Variants in IQCM observed in about 807,000 individuals in gnomAD.
The protein encoded by IQCM is IQ motif containing M.
A neutral mutation model predicts 57.6 loss-of-function variants in IQCM; 45 were observed. The ratio of observed to expected loss-of-function variants is 0.78; its 90% CI spans 0.62 to 1.00. The LOEUF is 1.00. Among genes scored for constraint, IQCM ranks in the 50% least tolerant of loss-of-function variants. The pLI is 0.00. For synonymous variants in IQCM, 148 were observed against 158.9 expected (o/e 0.93, Z 0.51); for missense variants, 468 against 511.6 (o/e 0.91, Z 0.82).
chr4:149,736,093 G>A (rs755125881), intron 3 of IQCM, among the ~76,000 whole-genome samples: 20 of 151,324 alleles, frequency 1.3e-4, no homozygotes, highest in Non-Finnish European at 2.5e-4. Context: ...GATTACAGGC[G>A]TGCACCACCA....
intron 12 of IQCM, among the ~76,000 whole-genome samples, chr4:149,516,906 T>C (rs557460914): frequency 6.6e-5 from 10 of 152,048 alleles, no homozygotes; most frequent in East Asian, 3.9e-4. Flanking sequence ...GCTGGGGTGA[T>C]TGACCCGGAA....
At chr4:149,627,180 A>G (rs185675489) in intron 7 of IQCM, among the ~76,000 whole-genome samples, 6 of 152,224 alleles carry the variant, frequency 3.9e-5, no homozygotes, top group Admixed American at 3.9e-4. Flanking sequence ...GGAGATTGTA[A>G]TTTTTCATGA....
At chr4:149,581,801 C>G (rs778691466) in intron 9 of IQCM, among the ~76,000 whole-genome samples, 4 of 151,502 alleles carry the variant, frequency 2.6e-5, no homozygotes, top group Non-Finnish European at 5.9e-5. Context: ...TGTCTGGCAC[C>G]TCCTATTCTT....
intron 2 of IQCM, among the ~76,000 whole-genome samples, chr4:149,793,032 A>G (rs1772787696): frequency 6.6e-6 from 1 of 152,196 alleles, no homozygotes; most frequent in African/African-American, 2.4e-5. Flanking sequence ...TTGGAAAATT[A>G]AATTTCACAT....
At chr4:149,790,531 C>A (rs1772500501) in intron 2 of IQCM, among the ~76,000 whole-genome samples, 1 of 152,138 alleles carries the variant, frequency 6.6e-6, no homozygotes, top group African/African-American at 2.4e-5. Flanking sequence ...CCAGTGGCCT[C>A]ATTTTGTAAG....
chr4:149,395,842 C>G (rs936216733), intron 13 of IQCM, among the ~76,000 whole-genome samples: 1 of 151,800 alleles, frequency 6.6e-6, no homozygotes, highest in African/African-American at 2.4e-5. Flanking sequence ...TCCTTGTAAC[C>G]CTGAAAACAC....
chr4:149,462,227 T>C (rs778002227), intron 12 of IQCM, among the ~76,000 whole-genome samples: 6 of 152,176 alleles, frequency 3.9e-5, no homozygotes, highest in Non-Finnish European at 8.8e-5. Flanking sequence ...GTGACATCAA[T>C]GTAGCGGATA....
At chr4:149,726,071 AAAAGAAAG>A (rs529190046) in intron 5 of IQCM, among the ~76,000 whole-genome samples, 9,396 of 94,678 alleles carry the variant, frequency 0.099, 516 homozygotes, top group Non-Finnish European at 0.12. Flanking sequence ...TCTTCCCTCT[AAAAGAAAG>A]AAAGAAAGAA....
chr4:149,567,497 C>T (rs772524681), intron 9 of IQCM, among the ~76,000 whole-genome samples: 1 of 151,940 alleles, frequency 6.6e-6, no homozygotes, highest in Non-Finnish European at 1.5e-5. Flanking sequence ...CAGGTGTGTG[C>T]CACCACACAC....
intron 12 of IQCM, among the ~76,000 whole-genome samples, chr4:149,468,697 C>T (rs544477067): frequency 3.3e-5 from 5 of 152,270 alleles, no homozygotes; most frequent in African/African-American, 1.2e-4. Context: ...CCCTGACCCC[C>T]GAGTAGCCTA....
chr4:149,643,908 AT>A (rs1418849875), intron 7 of IQCM, among the ~76,000 whole-genome samples: 2 of 152,096 alleles, frequency 1.3e-5, no homozygotes, highest in Non-Finnish European at 2.9e-5. Context: ...TCTGATCATA[AT>A]TTTATATTAA....
chr4:149,708,210 A>G (rs897635071), intron 5 of IQCM, among the ~76,000 whole-genome samples: 2 of 152,054 alleles, frequency 1.3e-5, no homozygotes, highest in African/African-American at 2.4e-5. Context: ...GATCTGCTAC[A>G]CTAATTGTAA....
At chr4:149,804,671 G>A (rs141509738) in intron 2 of IQCM, among the ~76,000 whole-genome samples, 1 of 152,090 alleles carries the variant, frequency 6.6e-6, no homozygotes, top group Non-Finnish European at 1.5e-5. Context: ...AAGAAGTATT[G>A]TTATTAATAG....
intron 13 of IQCM, among the ~76,000 whole-genome samples, chr4:149,423,264 G>A (rs1734237950): frequency 6.6e-6 from 1 of 152,120 alleles, no homozygotes; most frequent in Admixed American, 6.6e-5. Flanking sequence ...GGCAGCAGGA[G>A]AGTAAAGAGC....
chr4:149,398,428 G>A (rs1352362528), intron 13 of IQCM, among the ~76,000 whole-genome samples: 1 of 151,868 alleles, frequency 6.6e-6, no homozygotes, highest in Non-Finnish European at 1.5e-5. Flanking sequence ...GAGATACATT[G>A]AATCCGTAGG....
chr4:149,634,365 C>T (rs1757547197), intron 7 of IQCM, among the ~76,000 whole-genome samples: 1 of 152,188 alleles, frequency 6.6e-6, no homozygotes, highest in Admixed American at 6.5e-5. Context: ...AGAATGAGAA[C>T]TGCTAATCTC....
At chr4:149,619,358 A>C (rs11945561) in intron 8 of IQCM, among the ~76,000 whole-genome samples, 24,093 of 151,936 alleles carry the variant, frequency 0.16, 2,270 homozygotes, top group South Asian at 0.33. Flanking sequence ...TGAGGGATGA[A>C]ATGCTATCTA....
intron 5 of IQCM, among the ~76,000 whole-genome samples, chr4:149,725,075 T>C (rs531217526): frequency 6.6e-6 from 1 of 152,250 alleles, no homozygotes; most frequent in South Asian, 2.1e-4. Context: ...TGGGCATGTA[T>C]TTACAGGCAA....
Position 149,713,501 on chromosome 4 carries a change from A to G in IQCM, c.385+19743T>C, listed in dbSNP as rs569115116. ...AACACTAACACTAACCCAAGTGGAC[A>G]TTACTGTTATCCAGTAATCATCCTC... On this transcript the variant is annotated intron_variant, in intron 5 of 13. Transcript: ENST00000636793. Among the ~76,000 whole-genome samples, 2 of 152,280 alleles carry G rather than the reference A, an allele frequency of 1.3e-5. 1 individual carries two copies. The highest frequency in any genetic ancestry group is 4.1e-4 in the South Asian group (2 of 4,820).
Sources: allele counts gnomAD v4.1 joint callset (sites outside exome capture counted in the v4.1 genomes callset), GRCh38; gene constraint gnomAD v4.1.1; transcripts MANE v1.5; gene names NCBI Gene and HGNC (gene_info 2026-07-23, HGNC 2026-07-21).